KCTD1: variants seen among roughly 807,000 people sequenced by gnomAD.
The protein encoded by KCTD1 is BTB/POZ domain-containing protein KCTD1.
In KCTD1, 24 loss-of-function variants were observed where a neutral mutation model predicts 66.0. The ratio of observed to expected loss-of-function variants is 0.36; its 90% CI spans 0.26 to 0.51. The LOEUF (loss-of-function observed/expected upper bound fraction) is 0.51. Among genes scored for constraint, KCTD1 ranks in the 20% least tolerant of loss-of-function variants. The pLI is 0.95. For synonymous variants in KCTD1, 511 were observed against 517.2 expected (o/e 0.99, Z 0.16); for missense variants, 943 against 1,205.2 (o/e 0.78, Z 3.22).
chr18:26,519,639 A>G lies in KCTD1; in HGVS notation c.1810-18389T>C, dbSNP rs561406784. On this transcript the variant is annotated intron_variant, in intron 1 of 4. Coordinates refer to ENST00000580059, the MANE Select transcript of KCTD1 (RefSeq NM_001142730.3). ...ATCACTGGAATTATTTCATCTGCCA[A>G]TAACATACTTGATATCCTGTTTCAT... Among the ~76,000 whole-genome samples the G allele has an allele frequency of 2.0e-5, 3 of 152,358 alleles. No individual in the cohort carries two copies. The South Asian group carries it at 6.2e-4, about 32-fold the overall frequency.
intron 1 of KCTD1, among the ~76,000 whole-genome samples, chr18:26,582,717 C>G (rs1446041775): frequency 1.3e-5 from 2 of 152,084 alleles, no homozygotes; most frequent in Non-Finnish European, 2.9e-5. Context: ...AAGAAAGAGG[C>G]AGCTTTTCAT....
intron 1 of KCTD1, among the ~76,000 whole-genome samples, chr18:26,506,393 G>A (rs1438451933): frequency 6.6e-6 from 1 of 152,160 alleles, no homozygotes; most frequent in Non-Finnish European, 1.5e-5. Context: ...TGGGGGCTGG[G>A]AAGGATGGGG....
At chr18:26,538,447 G>A (rs542491522) in intron 1 of KCTD1, among the ~76,000 whole-genome samples, 1 of 152,124 alleles carries the variant, frequency 6.6e-6, no homozygotes, top group Admixed American at 6.5e-5. Flanking sequence ...CAGAGTGCAA[G>A]AGCCTGCACT....
intron 1 of KCTD1, among the ~76,000 whole-genome samples, chr18:26,622,785 T>C (rs1377595623): frequency 6.6e-6 from 1 of 151,702 alleles, no homozygotes; most frequent in African/African-American, 2.4e-5. Flanking sequence ...CGGAAGTGCA[T>C]ACAGAGGCTC....
At chr18:26,599,985 T>C (rs1423690847) in intron 1 of KCTD1, 2 of 1,610,018 alleles carry the variant, frequency 1.2e-6, no homozygotes, top group East Asian at 2.2e-5. Flanking sequence ...ACCCTGCTGC[T>C]GCCAAGCTGT....
At chr18:26,487,305 A>G (rs1404481289) in intron 2 of KCTD1, among the ~76,000 whole-genome samples, 2 of 152,244 alleles carry the variant, frequency 1.3e-5, no homozygotes, top group East Asian at 1.9e-4. Context: ...ACTGTGAGCT[A>G]TATCTCTTGA....
At chr18:26,650,132 C>T (rs753162216) in intron 1 of KCTD1, among the ~76,000 whole-genome samples, 19 of 152,190 alleles carry the variant, frequency 1.2e-4, no homozygotes, top group Non-Finnish European at 2.9e-5. Flanking sequence ...TCCTACTTAG[C>T]ATCAATGCTT....
At chr18:26,563,654 A>G (rs1477283524) in intron 1 of KCTD1, among the ~76,000 whole-genome samples, 1 of 152,188 alleles carries the variant, frequency 6.6e-6, no homozygotes, top group Non-Finnish European at 1.5e-5. Flanking sequence ...GCACCAAACA[A>G]CTTGGATTCA....
chr18:26,513,761 A>G (rs1285633221), intron 1 of KCTD1, among the ~76,000 whole-genome samples: 1 of 152,266 alleles, frequency 6.6e-6, no homozygotes, highest in African/African-American at 2.4e-5. Context: ...AGATTCAAAT[A>G]TCTTAAGAAA....
chr18:26,466,836 A>G (rs538094219), intron 3 of KCTD1, among the ~76,000 whole-genome samples: 40 of 152,332 alleles, frequency 2.6e-4, no homozygotes, highest in African/African-American at 9.6e-4. Context: ...GATGACTTCC[A>G]GTTTACAGGA....
At chr18:26,638,828 C>G (rs1488084806) in intron 1 of KCTD1, among the ~76,000 whole-genome samples, 1 of 152,170 alleles carries the variant, frequency 6.6e-6, no homozygotes. Flanking sequence ...ATATTATTGC[C>G]CATATCTGCT....
At chr18:26,550,911 C>T (rs1985540401), upstream of KCTD1, among the ~76,000 whole-genome samples, 1 of 152,208 alleles carries the variant, frequency 6.6e-6, no homozygotes, top group Non-Finnish European at 1.5e-5. The surrounding 1 kb of genome is among the most constrained non-coding windows in gnomAD (Gnocchi z 5.4). Context: ...GGGTGCCCGG[C>T]AAGTTACCTA....
chr18:26,632,560 G>A (rs1987643897), upstream of KCTD1, among the ~76,000 whole-genome samples: 1 of 152,130 alleles, frequency 6.6e-6, no homozygotes, highest in Non-Finnish European at 1.5e-5. Context: ...CTGATGATAT[G>A]AAAATCTAAG....
intron 1 of KCTD1, among the ~76,000 whole-genome samples, chr18:26,515,556 G>A (rs1475885906): frequency 7.0e-6 from 1 of 142,018 alleles, no homozygotes; most frequent in Non-Finnish European, 1.5e-5. Flanking sequence ...CACCAAGGCT[G>A]GAGTGCAATG....
At chr18:26,618,348 C>T (rs983763448) in intron 1 of KCTD1, among the ~76,000 whole-genome samples, 3 of 152,164 alleles carry the variant, frequency 2.0e-5, no homozygotes, top group Non-Finnish European at 2.9e-5. Context: ...TTAGTGTTGT[C>T]AGTACTCCTG....
chr18:26,459,155 C>T (rs34531375), intron 4 of KCTD1: 5,640 of 155,574 alleles, frequency 0.036, 156 homozygotes, highest in East Asian at 0.051. Flanking sequence ...TGCCAGCATA[C>T]TCTGCCCCAG....
Position 26,617,200 on chromosome 18 carries a change from T to C in KCTD1, c.-16+11947A>G, listed in dbSNP as rs149376627. ...ACAAATTGGCCATCCCAAAATAACC[T>C]TTCCAGGTCATTTCTCCAGGCTAAG... On this transcript the variant is annotated intron_variant, in intron 1 of 4. Transcript: ENST00000317932. Among the ~76,000 whole-genome samples, 355 of 152,304 alleles carry C rather than the reference T, an allele frequency of 2.3e-3. 1 individual carries two copies. The highest frequency in any genetic ancestry group is 8.4e-3 in the African/African-American group (348 of 41,554).
At chr18:26,470,390 T>A (rs1204551525) in intron 3 of KCTD1, among the ~76,000 whole-genome samples, 1 of 152,210 alleles carries the variant, frequency 6.6e-6, no homozygotes, top group Non-Finnish European at 1.5e-5. Flanking sequence ...TCTTGTGAGT[T>A]GAAAAGCTGT....
At chr18:26,490,858 T>C (rs1204587181) in intron 2 of KCTD1, among the ~76,000 whole-genome samples, 2 of 151,962 alleles carry the variant, frequency 1.3e-5, no homozygotes, top group Admixed American at 6.6e-5. Context: ...GCTCAAGCGA[T>C]TCTCATGCCT....
Sources: allele counts gnomAD v4.1 joint callset (sites outside exome capture counted in the v4.1 genomes callset), GRCh38; gene constraint gnomAD v4.1.1; non-coding constraint Gnocchi (gnomAD v3.1); transcripts MANE v1.5; gene names NCBI Gene and HGNC (gene_info 2026-07-23, HGNC 2026-07-21).